Variants in PLEKHA4 observed in about 807,000 individuals in gnomAD.
PLEKHA4 encodes the protein pleckstrin homology domain containing A4.
Under a neutral mutation model 94.7 loss-of-function variants are expected in PLEKHA4, and 73 were observed. The observed-to-expected ratio is 0.77, with a 90% CI of 0.64 to 0.94. The LOEUF is 0.94. Among genes scored for constraint, PLEKHA4 ranks in the 40% least tolerant of loss-of-function variants. PLEKHA4 has a pLI of 0.00. For missense variants in PLEKHA4, 1,049 were observed against 1,054.1 expected, an observed-to-expected ratio of 1.00 and a Z score of 0.07; for synonymous variants, 449 against 437.1, an observed-to-expected ratio of 1.03 and a Z score of -0.34.
intron 16 of PLEKHA4, 35 bp from the exon 17 acceptor site, chr19:48,841,345 T>C: frequency 6.4e-7 from 1 of 1,565,118 alleles, no homozygotes; most frequent in South Asian, 1.2e-5. Flanking sequence ...GACCCAACCT[T>C]TAGGCCAGGC....
At chr19:48,845,781 G>A (rs954734852) in intron 14 of PLEKHA4, among the ~76,000 whole-genome samples, 165 bp from the exon 15 acceptor site, 10 of 151,882 alleles carry the variant, frequency 6.6e-5, no homozygotes, top group African/African-American at 2.2e-4. Flanking sequence ...TTGGGAGGCC[G>A]AGGCAGGCAG....
intron 9 of PLEKHA4, among the ~76,000 whole-genome samples, chr19:48,856,913 AAAAGAAAG>A (rs1220554964): frequency 1.4e-4 from 18 of 129,048 alleles, no homozygotes; most frequent in African/African-American, 5.4e-4. Context: ...AAAAAAAAAA[AAAAGAAAG>A]AAAGAAAGAA....
rs149844556 is a variant in PLEKHA4, at chr19:48,853,812, A to C, written c.1196T>G (p.Leu399Arg). 1 of 1,610,766 alleles carries C rather than the reference A, an allele frequency of 6.2e-7. No individual in the cohort carries two copies. The highest frequency in any genetic ancestry group is 2.2e-5 in the East Asian group (1 of 44,820). The change falls in exon 12 of 20, where the codon CTG becomes CGG. Residue 399 changes from leucine to arginine, a missense_variant. Coordinates refer to ENST00000263265, the MANE Select transcript of PLEKHA4 (RefSeq NM_020904.3). ...GCCCAGCTGTTGCCGGGTCAACTCCAGAGCTGCTTCTAGTTGCTCCTGCAC... is the reference window on the plus strand; with the variant it reads ...GCCCAGCTGTTGCCGGGTCAACTCCCGAGCTGCTTCTAGTTGCTCCTGCAC... The part of the protein sequence containing the change: ...QEEKEQLEAA[L>R]ELTRQQLGQA...
At chr19:48,848,262 G>A (rs943700479) in intron 13 of PLEKHA4, among the ~76,000 whole-genome samples, 6 of 151,872 alleles carry the variant, frequency 4.0e-5, no homozygotes, top group Admixed American at 3.3e-4. Context: ...CGAGGCGGGC[G>A]GATCACGAGG....
chr19:48,847,045 C>T (rs1175252812), intron 14 of PLEKHA4, among the ~76,000 whole-genome samples: 1 of 152,120 alleles, frequency 6.6e-6, no homozygotes, highest in Non-Finnish European at 1.5e-5. Context: ...CTGTGCCTGG[C>T]TCATTAACAT....
At chr19:48,850,816 C>T (rs945599366) in intron 13 of PLEKHA4, among the ~76,000 whole-genome samples, 3 of 150,892 alleles carry the variant, frequency 2.0e-5, no homozygotes, top group African/African-American at 7.3e-5. Flanking sequence ...GACTCTATCT[C>T]AAAAAATATA....
intron 8 of PLEKHA4, among the ~76,000 whole-genome samples, chr19:48,857,932 T>TA (rs778682997): frequency 4.2e-4 from 61 of 144,452 alleles, no homozygotes; most frequent in East Asian, 1.8e-3. Flanking sequence ...TAATAATAAT[T>TA]AAAAAAAAAA....
intron 13 of PLEKHA4, among the ~76,000 whole-genome samples, chr19:48,850,395 T>C (rs2036137250): frequency 4.0e-5 from 6 of 151,092 alleles, no homozygotes; most frequent in Admixed American, 2.6e-4. Flanking sequence ...TCTCAGCTAC[T>C]GGGGAAGCTG....
intron 13 of PLEKHA4, among the ~76,000 whole-genome samples, chr19:48,850,131 G>A (rs964255116): frequency 6.6e-6 from 1 of 150,786 alleles, no homozygotes; most frequent in South Asian, 2.1e-4. Context: ...ACTTGAACCC[G>A]GGAGGCAGAG....
chr19:48,860,110 T>A (rs760584681), intron 6 of PLEKHA4: 25 of 584,454 alleles, frequency 4.3e-5, no homozygotes, highest in Non-Finnish European at 6.4e-5. Context: ...CAGAGCTGAG[T>A]GCGTGACTGA....
Position 48,841,165 on chromosome 19 carries a change from G to A in PLEKHA4, c.1889C>T (p.Pro630Leu), listed in dbSNP as rs1055620014. ...TCCCCTCACCCTTTGCTCCACGTCA[G>A]GCTGGCGTCTGGCTGGGGACAGTGT... ...GRTLSPARRQ[P>L]DVEQRPVVGH... Residue 630 changes from proline to leucine, a missense_variant, in exon 17 of 20, where the codon CCT (proline) becomes CTT (leucine). Pro to Leu is a moderately conservative substitution (Grantham distance 98). Transcript: ENST00000263265. 6 of 1,610,920 alleles carry A rather than the reference G, an allele frequency of 3.7e-6. No individual in the cohort carries two copies. The highest frequency in any genetic ancestry group is 1.1e-5 in the South Asian group (1 of 90,218).
Position 48,867,378 on chromosome 19 carries a change from T to C in PLEKHA4, c.84+159A>G, listed in dbSNP as rs2036868252. On this transcript the variant is annotated intron_variant, in intron 2 of 19. Transcript: ENST00000263265. The surrounding 1 kb of genome is among the most constrained non-coding windows in gnomAD (Gnocchi z 4.7). The stretch of plus-strand genomic sequence containing the variant: ...GGACAGAGCTGGGAGTGCCTCTGAA[T>C]TCCTAGCTGCGGTGTGTAGGCAATT... Among the ~76,000 whole-genome samples the C allele has an allele frequency of 6.6e-6, 1 of 152,180 alleles. No individual in the cohort carries two copies. Among genetic ancestry groups the C allele is most frequent in the Non-Finnish European group, 1.5e-5 (1 of 68,028 alleles).
chr19:48,866,339 C>G (rs985599265), intron 2 of PLEKHA4, among the ~76,000 whole-genome samples: 3 of 151,970 alleles, frequency 2.0e-5, no homozygotes, highest in Non-Finnish European at 2.9e-5. Context: ...CAGAGTCTCG[C>G]TCTGTCCCCC....
rs370681975 is a variant in PLEKHA4, at chr19:48,837,242, T to G, written c.*47A>C. 408 of 1,613,618 alleles carry G rather than the reference T, an allele frequency of 2.5e-4. 2 individuals are homozygous for G. Among genetic ancestry groups the G allele is most frequent in the South Asian group, 1.6e-3 (143 of 91,062 alleles). Reference sequence around the variant, plus strand: ...GTGGTCCCAGATCTCCGGCGGTACCTCCAGACCACGTCCTCGCGCTCCGAT... The same window carrying G: ...GTGGTCCCAGATCTCCGGCGGTACCGCCAGACCACGTCCTCGCGCTCCGAT... On this transcript the variant is annotated 3_prime_UTR_variant, in exon 20 of 20. Coordinates refer to ENST00000263265, the MANE Select transcript of PLEKHA4 (RefSeq NM_020904.3). This position sits in a 1 kb window ranked among gnomAD's most constrained non-coding sequence, Gnocchi z 4.3.
chr19:48,860,307 C>G (rs774368296), intron 6 of PLEKHA4, 43 bp downstream of exon 6: 1 of 1,535,668 alleles, frequency 6.5e-7, no homozygotes, highest in South Asian at 1.1e-5. Flanking sequence ...ACGAGACTGA[C>G]TCAGGGTGGA....
chr19:48,863,284 C>T (rs1470191744), intron 3 of PLEKHA4, among the ~76,000 whole-genome samples: 2 of 152,142 alleles, frequency 1.3e-5, no homozygotes, highest in African/African-American at 2.4e-5. Flanking sequence ...GATGGAGTCT[C>T]GCTCTGTCAC....
At chr19:48,838,462 A>T (rs1005471690) in intron 18 of PLEKHA4, 4 of 82,344 alleles carry the variant, frequency 4.9e-5, no homozygotes, top group Non-Finnish European at 8.9e-5. Context: ...TTAAAAATTA[A>T]AAAAAAAAAA....
At chr19:48,865,473 G>T in intron 3 of PLEKHA4, 30 bp downstream of exon 3, 2 of 1,554,292 alleles carry the variant, frequency 1.3e-6, no homozygotes, top group Non-Finnish European at 1.8e-6. Flanking sequence ...ACAGACTTCA[G>T]TGTCCTTTTC....
intron 2 of PLEKHA4, among the ~76,000 whole-genome samples, chr19:48,865,996 AGAGT>A (rs1331912694): frequency 6.6e-6 from 1 of 151,560 alleles, no homozygotes; most frequent in Non-Finnish European, 1.5e-5. Context: ...CCCGGGAGAC[AGAGT>A]GAGACTCCGT....
Sources: allele counts gnomAD v4.1 joint callset (sites outside exome capture counted in the v4.1 genomes callset), GRCh38; gene constraint gnomAD v4.1.1; non-coding constraint Gnocchi (gnomAD v3.1); transcripts MANE v1.5; gene names NCBI Gene and HGNC (gene_info 2026-07-23, HGNC 2026-07-21).